Variants in GUCY1A2 observed in about 807,000 individuals in gnomAD.
GUCY1A2 encodes guanylate cyclase soluble subunit alpha-2.
Under a neutral mutation model 63.5 loss-of-function variants are expected in GUCY1A2, and 27 were observed. The observed-to-expected ratio is 0.43, with a 90% CI of 0.31 to 0.59. The LOEUF (loss-of-function observed/expected upper bound fraction) is 0.59, where lower values mean the gene tolerates loss of function less well. Ranked by LOEUF, GUCY1A2 falls within the 20% of genes least tolerant of loss-of-function variation. The pLI, the probability that GUCY1A2 is intolerant of heterozygous loss-of-function variation, is 0.11. For synonymous variants in GUCY1A2, 364 were observed against 343.5 expected (o/e 1.06, Z -0.66); for missense variants, 768 against 913.3 (o/e 0.84, Z 2.05).
At position 106,686,809 on chromosome 11, in the gene GUCY1A2, T is replaced by A. The variant is rs1372165918; in HGVS notation, c.*740A>T. 5.1e-6 allele frequency: 1 copy of A among 197,862 alleles called. No homozygotes were observed. The highest frequency in any genetic ancestry group is 6.0e-5 in the Admixed American group (1 of 16,572). 12.3% of individuals were successfully genotyped at this position (197,862 alleles called of 1,614,324 possible). On this transcript the variant is annotated 3_prime_UTR_variant, in exon 8 of 8. Coordinates refer to ENST00000526355, the MANE Select transcript of GUCY1A2 (RefSeq NM_000855.3). ...CTACATTAGTTAAATCTAAAAGATA[T>A]ATTTACTAAGCAGACATATAATGCT...
chr11:106,948,893 A>G (rs1412676360), intron 3 of GUCY1A2, among the ~76,000 whole-genome samples: 4 of 152,308 alleles, frequency 2.6e-5, no homozygotes, highest in African/African-American at 9.6e-5. Flanking sequence ...TTCCAGATCA[A>G]TTAAGATCGT....
intron 1 of GUCY1A2, among the ~76,000 whole-genome samples, chr11:106,998,941 A>G (rs1373138255): frequency 6.6e-6 from 1 of 152,200 alleles, no homozygotes; most frequent in African/African-American, 2.4e-5. Context: ...TACCGTCGCA[A>G]AGGAGATCTC....
At chr11:106,744,491 C>G (rs746259726) in intron 6 of GUCY1A2, among the ~76,000 whole-genome samples, 1 of 152,120 alleles carries the variant, frequency 6.6e-6, no homozygotes, top group Non-Finnish European at 1.5e-5. Context: ...GTTGCCTTCC[C>G]AAAGAATTTA....
chr11:106,752,522 C>G (rs2135385974), intron 6 of GUCY1A2, among the ~76,000 whole-genome samples: 1 of 152,200 alleles, frequency 6.6e-6, no homozygotes, highest in Middle Eastern at 3.4e-3. Flanking sequence ...AGCCCCGACC[C>G]CCCAGCAGGC....
chr11:106,797,940 G>A (rs1466091207), intron 5 of GUCY1A2, among the ~76,000 whole-genome samples: 3 of 152,118 alleles, frequency 2.0e-5, no homozygotes, highest in Non-Finnish European at 4.4e-5. Context: ...AGGAGATAGA[G>A]ACACAAAAGA....
chr11:106,783,743 T>C (rs1357912550), intron 5 of GUCY1A2, among the ~76,000 whole-genome samples: 1 of 152,212 alleles, frequency 6.6e-6, no homozygotes, highest in African/African-American at 2.4e-5. Context: ...ATTTTGAACA[T>C]GTAGCATGTC....
intron 6 of GUCY1A2, among the ~76,000 whole-genome samples, chr11:106,717,481 AT>A (rs1239390181): frequency 2.6e-5 from 4 of 152,362 alleles, no homozygotes; most frequent in African/African-American, 9.6e-5. Context: ...CATGAGTAAC[AT>A]TATGAGCTAG....
At chr11:106,734,976 TTTAA>T (rs1210136724) in intron 6 of GUCY1A2, among the ~76,000 whole-genome samples, 2 of 152,102 alleles carry the variant, frequency 1.3e-5, no homozygotes, top group African/African-American at 2.4e-5. Flanking sequence ...AGTATTTTCT[TTTAA>T]TTTTTATTTT....
At chr11:106,951,773 G>A (rs184771442) in intron 3 of GUCY1A2, among the ~76,000 whole-genome samples, 25 of 152,170 alleles carry the variant, frequency 1.6e-4, no homozygotes, top group South Asian at 1.2e-3. Context: ...GGATTTTGTC[G>A]CAATTGCTTT....
intron 7 of GUCY1A2, among the ~76,000 whole-genome samples, chr11:106,688,604 T>C (rs1347176675): frequency 2.0e-5 from 3 of 151,868 alleles, no homozygotes; most frequent in Non-Finnish European, 2.9e-5. Context: ...TCAACAGATA[T>C]AGAAACAGAA....
Position 107,001,781 on chromosome 11 carries a change from G to A in GUCY1A2, c.304-15650C>T, listed in dbSNP as rs529787269. Among the ~76,000 whole-genome samples, 22 of 152,248 alleles carry A rather than the reference G, an allele frequency of 1.4e-4. No homozygotes were observed. In the South Asian group the frequency reaches 2.7e-3, roughly 19 times the overall value. ...CGCCTGTAATCCCAGAACTTTGGGA[G>A]GCAAAGGCAGGCGGATCACCTGAGG... On this transcript the variant is annotated intron_variant, in intron 1 of 7. Transcript: ENST00000526355.
At chr11:106,699,805 G>A (rs1218255969) in intron 7 of GUCY1A2, among the ~76,000 whole-genome samples, 3 of 150,102 alleles carry the variant, frequency 2.0e-5, no homozygotes, top group South Asian at 2.1e-4. Flanking sequence ...TTTTTGAGGC[G>A]GAGTCTCGGT....
intron 5 of GUCY1A2, among the ~76,000 whole-genome samples, chr11:106,787,035 C>T (rs1864567528): frequency 6.6e-6 from 1 of 152,088 alleles, no homozygotes; most frequent in African/African-American, 2.4e-5. Flanking sequence ...AAAGTAAATC[C>T]TGTGACCCAA....
In GUCY1A2 at chr11:106,944,215, C is replaced by CAAAAAAAAAAAAAAAAAAAAAAAAA. The variant is rs71041701; in HGVS notation, c.488-4038_488-4037insTTTTTTTTTTTTTTTTTTTTTTTTT. 1.0e-3 allele frequency among the ~76,000 whole-genome samples: 22 copies of CAAAAAAAAAAAAAAAAAAAAAAAAA among 21,578 alleles called. 4 individuals carry two copies. The highest frequency in any genetic ancestry group is 2.6e-3 in the African/African-American group (11 of 4,300). The allele number at this position is 21,578 out of a possible 152,430, so 14.2% of individuals were successfully genotyped here. On this transcript the variant is annotated intron_variant, in intron 3 of 7. Transcript: ENST00000526355. Reference sequence around the variant, plus strand: ...GGGCAACAGAGTGAGACCCTGTCTCCAAAAAAAAAAAAAAAAAAAAAGCAG... The same window carrying CAAAAAAAAAAAAAAAAAAAAAAAAA: ...GGGCAACAGAGTGAGACCCTGTCTCCAAAAAAAAAAAAAAAAAAAAAAAAAAAAAAAAAAAAAAAAAAAAAAGCAG...
intron 6 of GUCY1A2, among the ~76,000 whole-genome samples, chr11:106,755,454 G>T (rs557640266): frequency 1.3e-5 from 2 of 152,146 alleles, no homozygotes; most frequent in East Asian, 1.9e-4. Context: ...GTCGATTTTA[G>T]ATCTTTCCTG....
chr11:106,973,944 T>C (rs750718075), intron 3 of GUCY1A2, among the ~76,000 whole-genome samples: 12 of 152,070 alleles, frequency 7.9e-5, no homozygotes, highest in Non-Finnish European at 1.5e-4. Flanking sequence ...CTCTAGGAAG[T>C]GTGCAATTAT....
intron 4 of GUCY1A2, among the ~76,000 whole-genome samples, chr11:106,846,128 C>T (rs964912786): frequency 6.6e-6 from 1 of 151,490 alleles, no homozygotes; most frequent in African/African-American, 2.4e-5. Flanking sequence ...AAACTAAATG[C>T]AATGTGTAAT....
intron 5 of GUCY1A2, among the ~76,000 whole-genome samples, chr11:106,809,277 G>C (rs79017860): frequency 8.2e-4 from 125 of 152,222 alleles, no homozygotes; most frequent in African/African-American, 3.0e-3. Context: ...CTGACATTGT[G>C]CAATCTACGT....
chr11:106,976,196 C>T (rs1377802303), intron 3 of GUCY1A2, among the ~76,000 whole-genome samples: 1 of 152,076 alleles, frequency 6.6e-6, no homozygotes, highest in Non-Finnish European at 1.5e-5. Flanking sequence ...TCTAATCACA[C>T]TCCCCAAAGG....
Sources: gnomAD v4.1 joint callset for allele counts (sites outside exome capture counted in the v4.1 genomes callset) on GRCh38, gnomAD v4.1.1 for gene constraint, MANE v1.5 for transcripts, NCBI Gene and HGNC (gene_info 2026-07-23, HGNC 2026-07-21) for gene names.